The following NYAP2 variants were observed in gnomAD, a reference collection of about 807,000 sequenced individuals.
NYAP2 encodes the protein neuronal tyrosine-phosphorylated phosphoinositide-3-kinase adaptor 2.
Under a neutral mutation model 50.4 loss-of-function variants are expected in NYAP2, and 23 were observed. The ratio of observed to expected loss-of-function variants is 0.46; its 90% confidence interval spans 0.33 to 0.65. The LOEUF is 0.65. NYAP2 is among the 30% of genes least tolerant of loss of function. The probability of loss-of-function intolerance (pLI) is 0.02; values close to 1 mark genes in which losing one functional copy is unlikely to be tolerated. For synonymous variants in NYAP2, 394 were observed against 365.2 expected, an observed-to-expected ratio of 1.08 and a Z score of -0.90; for missense variants, 885 against 861.0, an observed-to-expected ratio of 1.03 and a Z score of -0.35.
chr2:225,665,954 G>A, the NYAP2 span, among the ~76,000 whole-genome samples: 1 of 151,536 alleles, frequency 6.6e-6, no homozygotes, highest in Admixed American at 6.6e-5. Flanking sequence ...ATTCCCAGGG[G>A]CTTTGGGTGG....
chr2:225,427,414 G>A (rs935142579), intron 3 of NYAP2, among the ~76,000 whole-genome samples: 5 of 152,248 alleles, frequency 3.3e-5, no homozygotes, highest in South Asian at 2.1e-4. Flanking sequence ...CCCAATGTCC[G>A]TCTTGACAGA....
At chr2:225,577,755 C>T (rs1429372803) in intron 4 of NYAP2, among the ~76,000 whole-genome samples, 1 of 151,744 alleles carries the variant, frequency 6.6e-6, no homozygotes, top group Non-Finnish European at 1.5e-5. Flanking sequence ...CTCTGATTTA[C>T]CTCGAAGAAC....
At chr2:225,520,341 C>T (rs1198640903) in intron 4 of NYAP2, among the ~76,000 whole-genome samples, 2 of 151,978 alleles carry the variant, frequency 1.3e-5, no homozygotes, top group African/African-American at 4.8e-5. Context: ...ACATGAAGTC[C>T]TTGCCCATGC....
chr2:225,499,070 A>G (rs1004830281), intron 3 of NYAP2, among the ~76,000 whole-genome samples: 1 of 142,696 alleles, frequency 7.0e-6, no homozygotes, highest in Non-Finnish European at 1.5e-5. Flanking sequence ...GAAAAATCAT[A>G]AAAGGGGAAA....
rs998019564 is a variant in NYAP2 at position 225,601,576 on chromosome 2, G to A, written c.1618+18541G>A. ...TTGTTCTTTTGTTTTGTTTTATTTT[G>A]TAAATACCAATCCTAATGTGTATGA... is the stretch of plus-strand genomic sequence containing the variant. On this transcript the variant is annotated intron_variant, in intron 5 of 6. Coordinates refer to ENST00000636099, the Ensembl canonical transcript of NYAP2. Among the ~76,000 whole-genome samples, 7 of 151,840 alleles carry A rather than the reference G, an allele frequency of 4.6e-5. No homozygotes were observed. In the East Asian group the frequency reaches 7.7e-4, roughly 17 times the overall value.
intron 2 of NYAP2, among the ~76,000 whole-genome samples, chr2:225,408,061 T>A (rs914387917): frequency 4.6e-5 from 7 of 151,916 alleles, no homozygotes; most frequent in African/African-American, 1.7e-4. Context: ...CAGTTGAGAG[T>A]AATATATACT....
At chr2:225,640,255 CTAAT>C (rs2106265420) in intron 6 of NYAP2, among the ~76,000 whole-genome samples, 1 of 152,254 alleles carries the variant, frequency 6.6e-6, no homozygotes, top group African/African-American at 2.4e-5. Flanking sequence ...TTTCCTATAC[CTAAT>C]TGAGAGGTGT....
the NYAP2 span, among the ~76,000 whole-genome samples, chr2:225,666,174 A>G: frequency 2.0e-5 from 3 of 152,236 alleles, no homozygotes; most frequent in East Asian, 5.8e-4. Context: ...ACCTACTTTA[A>G]TGCCAAATTG....
chr2:225,512,328 C>T (rs1172727266), intron 3 of NYAP2, among the ~76,000 whole-genome samples: 1 of 152,156 alleles, frequency 6.6e-6, no homozygotes, highest in Non-Finnish European at 1.5e-5. Flanking sequence ...ATTTAAGCTG[C>T]ACTTCTTTAC....
intron 3 of NYAP2, among the ~76,000 whole-genome samples, chr2:225,507,192 G>C (rs1177028188): frequency 6.6e-6 from 1 of 152,104 alleles, no homozygotes; most frequent in Admixed American, 6.5e-5. Context: ...TTATCTATCT[G>C]GGGTGGGATT....
chr2:225,542,740 A>G (rs770572996), intron 4 of NYAP2, among the ~76,000 whole-genome samples: 2 of 151,610 alleles, frequency 1.3e-5, no homozygotes, highest in Non-Finnish European at 3.0e-5. Flanking sequence ...TCTTTTTTTG[A>G]TGCATCTTTG....
At chr2:225,580,517 T>C (rs1380421816) in intron 4 of NYAP2, among the ~76,000 whole-genome samples, 1 of 152,196 alleles carries the variant, frequency 6.6e-6, no homozygotes, top group Non-Finnish European at 1.5e-5. Flanking sequence ...ACACAGATTA[T>C]GAACCTTCCC....
At chr2:225,423,213 G>T (rs959696901) in intron 3 of NYAP2, among the ~76,000 whole-genome samples, 3 of 152,154 alleles carry the variant, frequency 2.0e-5, no homozygotes, top group Non-Finnish European at 4.4e-5. Context: ...TGAAAGATTA[G>T]GATGGTATTG....
intron 3 of NYAP2, among the ~76,000 whole-genome samples, chr2:225,478,754 T>G (rs1282323785): frequency 2.0e-5 from 3 of 152,222 alleles, no homozygotes; most frequent in Admixed American, 6.5e-5. Context: ...TTGGAGTAAT[T>G]CAGGACCCTG....
intron 4 of NYAP2, among the ~76,000 whole-genome samples, chr2:225,538,285 T>C (rs1473428382): frequency 6.6e-6 from 1 of 152,192 alleles, no homozygotes; most frequent in Non-Finnish European, 1.5e-5. Flanking sequence ...CCTTCCACAC[T>C]GTCCTAGCAG....
intron 4 of NYAP2, among the ~76,000 whole-genome samples, chr2:225,543,154 T>C (rs1468793646): frequency 6.6e-6 from 1 of 152,004 alleles, no homozygotes; most frequent in Non-Finnish European, 1.5e-5. Flanking sequence ...CATCTCTTTT[T>C]CTTTGTCTAG....
At chr2:225,448,838 T>C (rs1689602985) in intron 3 of NYAP2, among the ~76,000 whole-genome samples, 1 of 152,188 alleles carries the variant, frequency 6.6e-6, no homozygotes, top group East Asian at 1.9e-4. Context: ...TTTAAACCAG[T>C]TTGCAAAGGG....
At chr2:225,513,632 T>A in exon 4 of NYAP2, 1 of 1,531,664 alleles carries the variant, frequency 6.5e-7, no homozygotes, top group Non-Finnish European at 8.8e-7. Flanking sequence ...TCAGCAGCAC[T>A]GCAGCCAGTA....
chr2:225,681,861 G>A, the NYAP2 span, among the ~76,000 whole-genome samples: 1 of 152,126 alleles, frequency 6.6e-6, no homozygotes, highest in Non-Finnish European at 1.5e-5. Flanking sequence ...TCTATAAAGT[G>A]AGCATCATAA....
Sources: allele counts gnomAD v4.1 joint callset (sites outside exome capture counted in the v4.1 genomes callset), GRCh38; gene constraint gnomAD v4.1.1; transcripts MANE v1.5; gene names NCBI Gene and HGNC (gene_info 2026-07-23, HGNC 2026-07-21).